Variants in NAP1L1 observed in about 807,000 individuals in gnomAD.
The protein encoded by NAP1L1 is nucleosome assembly protein 1 like 1, also known as nucleosome assembly protein 1-like 1.
Under a neutral mutation model 58.9 loss-of-function variants are expected in NAP1L1, and 9 were observed. That is an observed-to-expected ratio of 0.15 (90% CI 0.09 to 0.27). The LOEUF (loss-of-function observed/expected upper bound fraction) is 0.27. Ranked by LOEUF, NAP1L1 falls within the 10% of genes least tolerant of loss-of-function variation. NAP1L1 has a pLI of 1.00. For synonymous variants in NAP1L1, 130 were observed against 138.3 expected, an observed-to-expected ratio of 0.94 and a Z score of 0.42; for missense variants, 302 against 458.8, an observed-to-expected ratio of 0.66 and a Z score of 3.12.
intron 1 of NAP1L1, among the ~76,000 whole-genome samples, chr12:76,081,016 C>A (rs1037156174): frequency 1.3e-5 from 2 of 152,140 alleles, no homozygotes; most frequent in African/African-American, 4.8e-5. Flanking sequence ...AAGTAAGGTT[C>A]TCACCACATG....
Position 76,074,234 on chromosome 12 carries a change from A to G in NAP1L1, c.-15T>C. 1 of 1,592,748 alleles carries G rather than the reference A, an allele frequency of 6.3e-7. No homozygotes were observed. The highest frequency in any genetic ancestry group is 8.5e-7 in the Non-Finnish European group (1 of 1,172,016). ...ATGTCTGCCATGTTGTAAGAACTCC[A>G]AATATCTATGGAGAGAAACATCAAT... On this transcript the variant is annotated 5_prime_UTR_variant, in exon 2 of 15. Coordinates refer to ENST00000618691, the MANE Select transcript of NAP1L1 (RefSeq NM_004537.7).
At position 76,047,257 on chromosome 12, in the gene NAP1L1, T is replaced by C. The variant is rs943524625; in HGVS notation, c.*1172A>G. 2 of 152,416 alleles carry C rather than the reference T, an allele frequency of 1.3e-5. No individual in the cohort carries two copies. The highest frequency in any genetic ancestry group is 4.8e-5 in the African/African-American group (2 of 41,424). 9.4% of individuals were successfully genotyped at this position (152,416 alleles called of 1,614,324 possible). ...GGTAAACAGTACTACCCATTTTAAT[T>C]ACACAGTAAACAGAAGCACGGGTAA... On this transcript the variant is annotated 3_prime_UTR_variant, in exon 15 of 15. Transcript: ENST00000618691.
Position 76,039,574 on chromosome 12 carries a change from A to G in NAP1L1, c.*8855T>C, listed in dbSNP as rs1948531284. On this transcript the variant is annotated 3_prime_UTR_variant, in exon 15 of 15. Transcript: ENST00000618691. ...GAATATTGTTTAAAATGAAATCTAGATTAACTCTGGTCTCTAAAATATTTC... is the reference window on the plus strand; with the variant it reads ...GAATATTGTTTAAAATGAAATCTAGGTTAACTCTGGTCTCTAAAATATTTC... 2 of 152,228 alleles carry G rather than the reference A, an allele frequency of 1.3e-5. No individual in the cohort carries two copies. The highest frequency in any genetic ancestry group is 4.1e-4 in the South Asian group (2 of 4,832). The allele number at this position is 152,228 out of a possible 1,614,324, so 9.4% of individuals were successfully genotyped here. A position where few individuals can be genotyped will look rare whatever the true frequency, so the allele number is the denominator to read the frequency against.
intron 8 of NAP1L1, among the ~76,000 whole-genome samples, chr12:76,054,770 T>C (rs1949001122): frequency 6.6e-6 from 1 of 152,224 alleles, no homozygotes; most frequent in Non-Finnish European, 1.5e-5. Flanking sequence ...GAAAAAGTAC[T>C]TATTCATGTT....
intron 4 of NAP1L1, among the ~76,000 whole-genome samples, chr12:76,065,784 T>G (rs1949634184): frequency 6.6e-6 from 1 of 151,796 alleles, no homozygotes; most frequent in Admixed American, 6.6e-5. Context: ...CGTTTTAAGG[T>G]TTTTTTGCTT....
At position 76,056,304 on chromosome 12, in the gene NAP1L1, A is replaced by AT. The variant is rs542937622; in HGVS notation, c.430-144dup. The AT allele has an allele frequency of 3.6e-4, 284 of 779,798 alleles. 2 individuals are homozygous for AT. In the East Asian group the frequency reaches 7.4e-3, roughly 20 times the overall value. 48.3% of individuals were successfully genotyped at this position (779,798 alleles called of 1,614,324 possible). On this transcript the variant is annotated intron_variant, in intron 6 of 14. Transcript: ENST00000618691. The stretch of plus-strand genomic sequence containing the variant: ...ATCTGTGTAAACACCGCCGTTGCCC[A>AT]TAACAAACCTTAATCCCATCAAAAT...
intron 11 of NAP1L1, 78 bp downstream of exon 11, chr12:76,053,013 A>G (rs1451946995): frequency 2.2e-6 from 3 of 1,383,162 alleles, no homozygotes; most frequent in Non-Finnish European, 3.0e-6. Context: ...CAACCATCCC[A>G]CTCTCCATTT....
At chr12:76,053,172 A>C (rs747075733) in intron 10 of NAP1L1, 33 bp downstream of exon 10, 12 of 1,611,894 alleles carry the variant, frequency 7.4e-6, no homozygotes, top group African/African-American at 4.0e-5. Flanking sequence ...TTTATAAAAC[A>C]ACCGTTAATA....
intron 11 of NAP1L1, among the ~76,000 whole-genome samples, chr12:76,052,023 A>C (rs968004869): frequency 2.0e-5 from 3 of 151,930 alleles, no homozygotes; most frequent in Non-Finnish European, 2.9e-5. Flanking sequence ...CAAAAAAAAA[A>C]TAATAATAAT....
Position 76,067,454 on chromosome 12 carries a change from C to G in NAP1L1, c.123G>C (p.Gln41His), listed in dbSNP as rs373519196. The change falls in exon 4 of 15, where the codon CAG becomes CAC. Residue 41 changes from glutamine to histidine, a missense_variant. Gln to His is a conservative substitution (Grantham distance 24). Coordinates refer to ENST00000618691, the MANE Select transcript of NAP1L1 (RefSeq NM_004537.7). ...CAAGAATCTGAGGATTTTGCATCAT[C>G]TGAACAGTTAGCTGACGTGCTTTAA... Reference protein sequence around the residue: ...TKLKARQLTVQMMQNPQILAA... With the variant: ...TKLKARQLTVHMMQNPQILAA... 4 of 1,605,262 alleles carry G rather than the reference C, an allele frequency of 2.5e-6. No homozygotes were observed. The highest frequency in any genetic ancestry group is 2.2e-5 in the South Asian group (2 of 90,534).
At chr12:76,051,207 T>C (rs977078372) in intron 11 of NAP1L1, among the ~76,000 whole-genome samples, 4 of 151,984 alleles carry the variant, frequency 2.6e-5, no homozygotes, top group African/African-American at 7.2e-5. Flanking sequence ...CTAAGATAAA[T>C]TGTGAAGAAT....
intron 4 of NAP1L1, among the ~76,000 whole-genome samples, chr12:76,063,084 C>T (rs1311342439): frequency 2.0e-5 from 3 of 152,122 alleles, no homozygotes; most frequent in Non-Finnish European, 4.4e-5. Flanking sequence ...GTATACCAGG[C>T]TTCAGGTTTG....
Position 76,040,704 on chromosome 12 carries a change from C to A in NAP1L1, c.*7725G>T, listed in dbSNP as rs558897009. The A allele has an allele frequency of 1.3e-5, 2 of 152,270 alleles. No homozygotes were observed. The highest frequency in any genetic ancestry group is 2.4e-5 in the African/African-American group (1 of 41,532). The allele number at this position is 152,270 out of a possible 1,614,324, so 9.4% of individuals were successfully genotyped here. ...CCTCCTGAGTAGCTTGGACTACAGGCACACACCACTACCACCTACAGCTAA... is the reference window on the plus strand; with the variant it reads ...CCTCCTGAGTAGCTTGGACTACAGGAACACACCACTACCACCTACAGCTAA... On this transcript the variant is annotated 3_prime_UTR_variant, in exon 15 of 15. Coordinates refer to ENST00000618691, the MANE Select transcript of NAP1L1 (RefSeq NM_004537.7).
chr12:76,039,120 T>C lies in NAP1L1; in HGVS notation c.*9309A>G, dbSNP rs1431742204. On this transcript the variant is annotated 3_prime_UTR_variant, in exon 15 of 15. Coordinates refer to ENST00000618691, the MANE Select transcript of NAP1L1 (RefSeq NM_004537.7). ...GATATCCTTGATCAAATAATCCTTT[T>C]CTAAATCAACTTATTTCGACATATG... is the stretch of plus-strand genomic sequence containing the variant. The C allele has an allele frequency of 6.6e-6, 1 of 152,232 alleles. No individual in the cohort carries two copies. Among genetic ancestry groups the C allele is most frequent in the South Asian group, 2.1e-4 (1 of 4,834 alleles). The allele number at this position is 152,232 out of a possible 1,614,324, so 9.4% of individuals were successfully genotyped here. A position where few individuals can be genotyped will look rare whatever the true frequency, so the allele number is the denominator to read the frequency against.
chr12:76,072,272 A>T (rs922362623), intron 2 of NAP1L1, among the ~76,000 whole-genome samples: 3 of 150,966 alleles, frequency 2.0e-5, no homozygotes, highest in African/African-American at 7.3e-5. Flanking sequence ...AGACATTATC[A>T]TCAATGAAAC....
At chr12:76,073,598 AGTGGCAAT>A (rs1163365607) in intron 2 of NAP1L1, among the ~76,000 whole-genome samples, 13 of 152,190 alleles carry the variant, frequency 8.5e-5, no homozygotes, top group Admixed American at 8.5e-4. Flanking sequence ...ACAGTGGCAA[AGTGGCAAT>A]GTTGCTTTAC....
rs548363800 is a variant in NAP1L1 at position 76,042,455 on chromosome 12, A to G, written c.*5974T>C. The G allele has an allele frequency of 1.3e-5, 2 of 152,336 alleles. No homozygotes were observed. The highest frequency in any genetic ancestry group is 4.1e-4 in the South Asian group (2 of 4,822). 9.4% of individuals were successfully genotyped at this position (152,336 alleles called of 1,614,324 possible). ...TTGTATTCTCACACATATCCATTAAAATTTGGTAGCAGAGACATTTGTTTA... is the reference window on the plus strand; with the variant it reads ...TTGTATTCTCACACATATCCATTAAGATTTGGTAGCAGAGACATTTGTTTA... On this transcript the variant is annotated 3_prime_UTR_variant, in exon 15 of 15. Transcript: ENST00000618691.
chr12:76,054,993 T>C (rs772812684), intron 8 of NAP1L1, 26 bp downstream of exon 8: 71 of 1,535,272 alleles, frequency 4.6e-5, no homozygotes, highest in Non-Finnish European at 6.3e-5. Context: ...TGTTACAAAA[T>C]TATAAATATT....
intron 7 of NAP1L1, 129 bp downstream of exon 7, chr12:76,055,904 A>T: frequency 4.3e-6 from 4 of 930,578 alleles, no homozygotes; most frequent in Non-Finnish European, 6.7e-6. Context: ...TCTTCTACAG[A>T]TATTAGCTAT....
Sources: gnomAD v4.1 joint callset for allele counts (sites outside exome capture counted in the v4.1 genomes callset) on GRCh38, gnomAD v4.1.1 for gene constraint, MANE v1.5 for transcripts, NCBI Gene and HGNC (gene_info 2026-07-23, HGNC 2026-07-21) for gene names.